Variants in ZNF558 observed in about 807,000 individuals in gnomAD.
ZNF558 encodes zinc finger protein 558.
ZNF558 carries 23 observed loss-of-function variants against 37.6 expected under a neutral mutation model. The ratio of observed to expected loss-of-function variants is 0.61; its 90% CI spans 0.44 to 0.87. ZNF558 has a LOEUF of 0.87. Among genes scored for constraint, ZNF558 ranks in the 40% least tolerant of loss-of-function variants. The pLI is 0.00. For missense variants in ZNF558, 429 were observed against 483.7 expected (o/e 0.89, Z 1.06); for synonymous variants, 189 against 174.4 (o/e 1.08, Z -0.66).
upstream of ZNF558, among the ~76,000 whole-genome samples, chr19:8,837,280 A>G (rs926492051): frequency 7.2e-5 from 11 of 152,372 alleles, no homozygotes; most frequent in South Asian, 2.1e-3. Context: ...AGGATTGATC[A>G]TCTACCTCCT....
At chr19:8,837,078 A>G (rs528859489), upstream of ZNF558, among the ~76,000 whole-genome samples, 1 of 152,300 alleles carries the variant, frequency 6.6e-6, no homozygotes, top group South Asian at 2.1e-4. Flanking sequence ...GTAATGCAAA[A>G]CATTTTAAAT....
Position 8,822,207 on chromosome 19 carries a change from C to A in ZNF558, c.32-116G>T. 1.6e-6 allele frequency: 2 copies of A among 1,233,256 alleles called. No individual in the cohort carries two copies. The highest frequency in any genetic ancestry group is 2.3e-6 in the Non-Finnish European group (2 of 876,612). 76.4% of individuals were successfully genotyped at this position (1,233,256 alleles called of 1,614,324 possible). ...CACGGATGAGGCACCACACAGTGCC[C>A]ACCTACGCTCCATGCAAACACCTAC... On this transcript the variant is annotated intron_variant, in intron 5 of 9. Coordinates refer to ENST00000601372, the MANE Select transcript of ZNF558 (RefSeq NM_144693.3). This position sits in a 1 kb window ranked among gnomAD's most constrained non-coding sequence, Gnocchi z 4.4.
intron 7 of ZNF558, among the ~76,000 whole-genome samples, chr19:8,815,796 A>AG (rs2043921577): frequency 6.6e-6 from 1 of 150,972 alleles, no homozygotes; most frequent in Non-Finnish European, 1.5e-5. Flanking sequence ...TCTCAAAGAT[A>AG]AAGAGAGAGA....
upstream of ZNF558, among the ~76,000 whole-genome samples, chr19:8,834,236 AAT>A (rs1475021074): frequency 1.3e-5 from 2 of 152,228 alleles, no homozygotes; most frequent in Non-Finnish European, 2.9e-5. Context: ...TTCAAAATTC[AAT>A]ATACTAGGAA....
chr19:8,811,983 C>A lies in ZNF558; in HGVS notation c.507G>T (p.Gln169His). The A allele has an allele frequency of 6.2e-7, 1 of 1,613,912 alleles. No homozygotes were observed. Among genetic ancestry groups the A allele is most frequent in the East Asian group, 2.2e-5 (1 of 44,874 alleles). ...TTTCTCCAGTATGAATTCTCTTGTG[C>A]TGAGTTAGGTTAGATTTCGTGCTGA... The part of the protein sequence containing the change: ...KVFSTKSNLT[Q>H]HKRIHTGEKP... The change falls in exon 10 of 10, where the codon CAG (glutamine) becomes CAT (histidine). Residue 169 changes from glutamine (Q) to histidine (H), a missense_variant. By Grantham distance (24) the Gln-to-His change is conservative. Coordinates refer to ENST00000601372, the MANE Select transcript of ZNF558 (RefSeq NM_144693.3).
At chr19:8,825,707 C>T (rs947880597) in intron 2 of ZNF558, among the ~76,000 whole-genome samples, 1 of 151,998 alleles carries the variant, frequency 6.6e-6, no homozygotes, top group African/African-American at 2.4e-5. Flanking sequence ...GGGATGGGGG[C>T]ACTGGACATT....
Position 8,813,192 on chromosome 19 carries a change from G to A in ZNF558, c.278C>T (p.Ser93Phe), listed in dbSNP as rs868952856. 5 of 1,598,942 alleles carry A rather than the reference G, an allele frequency of 3.1e-6. No individual in the cohort carries two copies. The African/African-American group carries it at 5.3e-5, about 17-fold the overall frequency. The change falls in exon 8 of 10, where the codon TCC becomes TTC. Residue 93 changes from serine (S) to phenylalanine (F), a missense_variant. Transcript: ENST00000601372. ...CACCTTCTTGTCTTGTTCCAACTGG[G>A]ATATCAGACTGGGTTTATTAACACG... ...GCRVNKPSLI[S>F]QLEQDKKVVT... is the part of the protein sequence containing the mutation.
intron 9 of ZNF558, among the ~76,000 whole-genome samples, chr19:8,812,355 G>A (rs2145186840): frequency 6.6e-6 from 1 of 152,254 alleles, no homozygotes; most frequent in Non-Finnish European, 1.5e-5. Context: ...ATTTACTTGT[G>A]GGAACTCTCC....
intron 7 of ZNF558, among the ~76,000 whole-genome samples, chr19:8,818,584 T>A (rs555854632): frequency 6.6e-6 from 1 of 152,304 alleles, no homozygotes; most frequent in South Asian, 2.1e-4. Flanking sequence ...ATACACAAAC[T>A]GATCTGAAAA....
At chr19:8,819,925 G>A (rs1310116511) in intron 7 of ZNF558, among the ~76,000 whole-genome samples, 2 of 152,150 alleles carry the variant, frequency 1.3e-5, no homozygotes, top group African/African-American at 2.4e-5. Flanking sequence ...CAGCCTGGGC[G>A]ACAGAGGGAG....
rs899258602 is a variant in ZNF558 at position 8,822,962 on chromosome 19, C to T, written c.-65-238G>A. ...CCTGACCCACCCGCTTTGAGAACCT[C>T]GGCTTCACGCAGTCTCACGGCATGT... is the stretch of plus-strand genomic sequence containing the variant. On this transcript the variant is annotated intron_variant, in intron 4 of 9. Transcript: ENST00000601372. This position sits in a 1 kb window ranked among gnomAD's most constrained non-coding sequence, Gnocchi z 4.4. 11 of 428,586 alleles carry T rather than the reference C, an allele frequency of 2.6e-5. No homozygotes were observed. The highest frequency in any genetic ancestry group is 9.9e-5 in the African/African-American group (5 of 50,488). The allele number at this position is 428,586 out of a possible 1,614,324, so 26.5% of individuals were successfully genotyped here.
In ZNF558 at chr19:8,814,540, A is replaced by C. The variant is rs537097562; in HGVS notation, c.248-1318T>G. On this transcript the variant is annotated intron_variant, in intron 7 of 9. Coordinates refer to ENST00000601372, the MANE Select transcript of ZNF558 (RefSeq NM_144693.3). ...CTTTGAAAATCTTCCTCATATTCTTAAGAACCTGTAATTCCAAGCACATAC... is the reference window on the plus strand; with the variant it reads ...CTTTGAAAATCTTCCTCATATTCTTCAGAACCTGTAATTCCAAGCACATAC... 1.1e-3 allele frequency among the ~76,000 whole-genome samples: 160 copies of C among 152,294 alleles called. 1 individual carries two copies. Among genetic ancestry groups the C allele is most frequent in the African/African-American group, 3.5e-3 (146 of 41,574 alleles).
upstream of ZNF558, among the ~76,000 whole-genome samples, chr19:8,834,585 G>A (rs1408144875): frequency 7.6e-6 from 1 of 130,922 alleles, no homozygotes; most frequent in Non-Finnish European, 1.6e-5. Context: ...TCCAGCCTGA[G>A]AACAGAGCGA....
chr19:8,808,826 C>T lies in ZNF558; in HGVS notation c.*2455G>A, dbSNP rs2043725566. On this transcript the variant is annotated 3_prime_UTR_variant, in exon 10 of 10. Coordinates refer to ENST00000601372, the MANE Select transcript of ZNF558 (RefSeq NM_144693.3). The stretch of plus-strand genomic sequence containing the variant: ...GATGGAGTCTCGCTCTGTTGCCAGG[C>T]TGGAGTGCACTGGCGCCATCTTGGC... 2 of 152,250 alleles carry T rather than the reference C, an allele frequency of 1.3e-5. No individual in the cohort carries two copies. Among genetic ancestry groups the T allele is most frequent in the South Asian group, 2.1e-4 (1 of 4,820 alleles). The allele number at this position is 152,250 out of a possible 1,614,324, so 9.4% of individuals were successfully genotyped here.
the ZNF558 span, among the ~76,000 whole-genome samples, chr19:8,837,938 G>T: frequency 3.9e-5 from 6 of 152,032 alleles, no homozygotes; most frequent in Non-Finnish European, 5.9e-5. Flanking sequence ...CAGCAAGGCT[G>T]AAATTCTACC....
rs1162036911 is a variant in ZNF558, at chr19:8,822,666, A to T, written c.-7T>A. The T allele has an allele frequency of 6.2e-7, 1 of 1,613,954 alleles. No individual in the cohort carries two copies. Among genetic ancestry groups the T allele is most frequent in the African/African-American group, 1.3e-5 (1 of 74,984 alleles). On this transcript the variant is annotated 5_prime_UTR_variant, in exon 5 of 10. Transcript: ENST00000601372. This position sits in a 1 kb window ranked among gnomAD's most constrained non-coding sequence, Gnocchi z 4.4. ...GCAGGATGACAGCCGCCATCCTGTG[A>T]CTCCGACAGCAACAGGGCAGCCGGG...
chr19:8,814,832 G>C (rs1555769781), intron 7 of ZNF558, among the ~76,000 whole-genome samples: 5 of 152,136 alleles, frequency 3.3e-5, no homozygotes. Context: ...GACAAATACA[G>C]ACATTACAAA....
chr19:8,812,239 A>C lies in ZNF558; in HGVS notation c.427-176T>G, dbSNP rs575736937. 1.4e-4 allele frequency among the ~76,000 whole-genome samples: 21 copies of C among 152,364 alleles called. No individual in the cohort carries two copies. In the South Asian group the frequency reaches 3.5e-3, roughly 26 times the overall value. ...TTTAGCTCTAAGAAAGTTAAAAAAC[A>C]TAGATGCTTTGCCACAAGTCCTTAT... is the stretch of plus-strand genomic sequence containing the variant. On this transcript the variant is annotated intron_variant, in intron 9 of 9. Coordinates refer to ENST00000601372, the MANE Select transcript of ZNF558 (RefSeq NM_144693.3).
rs557923697 is a variant in ZNF558 at position 8,807,801 on chromosome 19, C to T, written c.*3480G>A. Reference sequence around the variant, plus strand: ...CTTGATTTTTCTATAATCTGTTCCTCCTCCATTAGGTGAAGTATTTCAATG... The same window carrying T: ...CTTGATTTTTCTATAATCTGTTCCTTCTCCATTAGGTGAAGTATTTCAATG... On this transcript the variant is annotated 3_prime_UTR_variant, in exon 10 of 10. Coordinates refer to ENST00000601372, the MANE Select transcript of ZNF558 (RefSeq NM_144693.3). The T allele has an allele frequency of 6.6e-6, 1 of 152,282 alleles. No homozygotes were observed. The highest frequency in any genetic ancestry group is 2.1e-4 in the South Asian group (1 of 4,824). The allele number at this position is 152,282 out of a possible 1,614,324, so 9.4% of individuals were successfully genotyped here. A position where few individuals can be genotyped will look rare whatever the true frequency, so the allele number is the denominator to read the frequency against.
Sources: allele counts gnomAD v4.1 joint callset (sites outside exome capture counted in the v4.1 genomes callset), GRCh38; gene constraint gnomAD v4.1.1; non-coding constraint Gnocchi (gnomAD v3.1); transcripts MANE v1.5; gene names NCBI Gene and HGNC (gene_info 2026-07-23, HGNC 2026-07-21).